MAGI2: variants seen among roughly 807,000 people sequenced by gnomAD.
MAGI2 encodes the protein membrane associated guanylate kinase, WW and PDZ domain containing 2, also known as membrane-associated guanylate kinase, WW and PDZ domain-containing protein 2.
In MAGI2, 35 loss-of-function variants were observed where a neutral mutation model predicts 133.3. That is an observed-to-expected ratio of 0.26 (90% CI 0.20 to 0.35). The LOEUF (loss-of-function observed/expected upper bound fraction) is 0.35, where lower values mean the gene tolerates loss of function less well. MAGI2 is among the 10% of genes least tolerant of loss of function. MAGI2 has a pLI of 1.00. For synonymous variants in MAGI2, 729 were observed against 710.6 expected (o/e 1.03, Z -0.41); for missense variants, 1,636 against 1,863.4 (o/e 0.88, Z 2.25).
intron 3 of MAGI2, among the ~76,000 whole-genome samples, chr7:78,611,270 T>C (rs1449721215): frequency 6.6e-6 from 1 of 152,226 alleles, no homozygotes; most frequent in African/African-American, 2.4e-5. Flanking sequence ...CATTTCTTTA[T>C]AACAGGCCAT....
intron 2 of MAGI2, among the ~76,000 whole-genome samples, chr7:78,676,921 A>C (rs1248229639): frequency 6.6e-6 from 1 of 152,046 alleles, no homozygotes; most frequent in African/African-American, 2.4e-5. Context: ...CTTGATTCAA[A>C]ATTTTATGCT....
At chr7:78,203,549 T>A (rs12705324) in intron 10 of MAGI2, among the ~76,000 whole-genome samples, 26,003 of 152,160 alleles carry the variant, frequency 0.17, 2,316 homozygotes, top group Middle Eastern at 0.21. Context: ...AACCCAGGGC[T>A]CCTTTACTGC....
At chr7:79,302,796 T>C (rs1426085984) in intron 1 of MAGI2, among the ~76,000 whole-genome samples, 1 of 152,150 alleles carries the variant, frequency 6.6e-6, no homozygotes, top group Non-Finnish European at 1.5e-5. Context: ...GAGCTTATGA[T>C]AAAAACATGG....
At chr7:78,663,629 T>C in intron 2 of MAGI2, among the ~76,000 whole-genome samples, 1 of 152,358 alleles carries the variant, frequency 6.6e-6, no homozygotes. Flanking sequence ...TTGAGGTTTC[T>C]TTGTTAAATA....
intron 2 of MAGI2, among the ~76,000 whole-genome samples, chr7:78,896,600 C>T (rs959517228): frequency 6.6e-6 from 1 of 151,062 alleles, no homozygotes; most frequent in African/African-American, 2.4e-5. Context: ...CAGAGTCTCA[C>T]TCTGTCACCC....
intron 18 of MAGI2, among the ~76,000 whole-genome samples, chr7:78,130,406 G>A (rs1821446227): frequency 6.6e-6 from 1 of 152,066 alleles, no homozygotes; most frequent in South Asian, 2.1e-4. Context: ...ACATGTAGGT[G>A]GGCACTTCTT....
intron 1 of MAGI2, among the ~76,000 whole-genome samples, chr7:79,192,306 T>A (rs1827742841): frequency 6.6e-6 from 1 of 151,918 alleles, no homozygotes; most frequent in Non-Finnish European, 1.5e-5. Flanking sequence ...CACTGCTGTA[T>A]CTCTGCAACT....
intron 9 of MAGI2, among the ~76,000 whole-genome samples, chr7:78,302,577 T>C (rs1156595860): frequency 1.3e-5 from 2 of 152,194 alleles, no homozygotes; most frequent in Non-Finnish European, 2.9e-5. Context: ...TACAAACGAA[T>C]ATAAACAGCT....
At chr7:79,451,204 C>T (rs1446823227) in intron 1 of MAGI2, among the ~76,000 whole-genome samples, 1 of 152,314 alleles carries the variant, frequency 6.6e-6, no homozygotes, top group East Asian at 1.9e-4. Flanking sequence ...TCATTGCAAA[C>T]TATAATAGGG....
chr7:78,506,529 A>T (rs966692242), intron 4 of MAGI2, among the ~76,000 whole-genome samples: 1 of 152,218 alleles, frequency 6.6e-6, no homozygotes, highest in Admixed American at 6.5e-5. Context: ...AAGTCACTGA[A>T]ACAATGGACT....
chr7:78,389,902 T>A (rs1795744494), intron 6 of MAGI2, among the ~76,000 whole-genome samples: 1 of 152,240 alleles, frequency 6.6e-6, no homozygotes, highest in East Asian at 1.9e-4. Flanking sequence ...ACATTGCTTT[T>A]GGAACATACG....
chr7:78,973,205 A>T (rs1001671965), intron 2 of MAGI2, among the ~76,000 whole-genome samples: 1 of 151,540 alleles, frequency 6.6e-6, no homozygotes. Context: ...CACATTTTCC[A>T]CTCCATTTTC....
chr7:78,329,184 T>G (rs745783291), intron 9 of MAGI2, among the ~76,000 whole-genome samples: 1 of 152,186 alleles, frequency 6.6e-6, no homozygotes, highest in African/African-American at 2.4e-5. Context: ...ATTAATTACA[T>G]TGGATACAGG....
intron 10 of MAGI2, among the ~76,000 whole-genome samples, chr7:78,239,704 C>T (rs1300963764): frequency 6.6e-6 from 1 of 152,148 alleles, no homozygotes; most frequent in Non-Finnish European, 1.5e-5. Flanking sequence ...AACCACAAGG[C>T]AGTATCGCCT....
chr7:79,344,327 G>C (rs1585646004), intron 1 of MAGI2, among the ~76,000 whole-genome samples: 1 of 152,116 alleles, frequency 6.6e-6, no homozygotes, highest in Non-Finnish European at 1.5e-5. Flanking sequence ...TTACAGGCTA[G>C]CTAGGGAGGT....
intron 10 of MAGI2, among the ~76,000 whole-genome samples, chr7:78,232,075 A>T (rs1790037211): frequency 1.3e-5 from 2 of 152,090 alleles, no homozygotes; most frequent in Admixed American, 1.3e-4. Flanking sequence ...CCACACAGGC[A>T]AAAAAGCAAG....
chr7:78,425,154 G>A (rs774390879), intron 6 of MAGI2, among the ~76,000 whole-genome samples: 2 of 152,106 alleles, frequency 1.3e-5, no homozygotes, highest in South Asian at 2.1e-4. Context: ...TTATGGGGGC[G>A]GGTCTTTCCT....
chr7:78,173,602 A>T (rs1369280572), intron 14 of MAGI2, among the ~76,000 whole-genome samples: 1 of 152,180 alleles, frequency 6.6e-6, no homozygotes, highest in Non-Finnish European at 1.5e-5. Context: ...TTTATAGTTT[A>T]ATGTTATTTG....
At chr7:79,136,677 G>A (rs1821609355) in intron 1 of MAGI2, among the ~76,000 whole-genome samples, 1 of 152,118 alleles carries the variant, frequency 6.6e-6, no homozygotes. Flanking sequence ...AATTATTTGA[G>A]TGAACAATTC....
Sources: gnomAD v4.1 joint callset for allele counts (sites outside exome capture counted in the v4.1 genomes callset) on GRCh38, gnomAD v4.1.1 for gene constraint, MANE v1.5 for transcripts, NCBI Gene and HGNC (gene_info 2026-07-23, HGNC 2026-07-21) for gene names.